EGF: variants seen among roughly 807,000 people sequenced by gnomAD.
EGF encodes the protein epidermal growth factor.
In EGF, 95 loss-of-function variants were observed where a neutral mutation model predicts 143.8. The ratio of observed to expected loss-of-function variants is 0.66; its 90% CI spans 0.56 to 0.78. EGF has a LOEUF of 0.78. Among genes scored for constraint, EGF ranks in the 30% least tolerant of loss-of-function variants. The probability of loss-of-function intolerance (pLI) is 0.00; values close to 1 mark genes in which losing one functional copy is unlikely to be tolerated. For synonymous variants in EGF, 510 were observed against 510.5 expected (o/e 1.00, Z 0.01); for missense variants, 1,320 against 1,470.9 (o/e 0.90, Z 1.68).
intron 1 of EGF, among the ~76,000 whole-genome samples, chr4:109,916,963 A>G (rs1736764944): frequency 6.6e-6 from 1 of 152,194 alleles, no homozygotes; most frequent in South Asian, 2.1e-4. Context: ...TAAAAATACA[A>G]GAACATGTCA....
chr4:109,993,071 G>T (rs1178932741), intron 18 of EGF, among the ~76,000 whole-genome samples, 176 bp from the exon 19 acceptor site: 4 of 152,072 alleles, frequency 2.6e-5, no homozygotes, highest in Non-Finnish European at 5.9e-5. Flanking sequence ...CCTTGTGCAT[G>T]TGAACCCTAG....
intron 1 of EGF, chr4:109,940,672 TAA>T: frequency 5.2e-6 from 2 of 382,826 alleles, no homozygotes; most frequent in East Asian, 9.7e-5. Context: ...ATTTTATGGA[TAA>T]AGAGTAAAAA....
At position 109,959,986 on chromosome 4, in the gene EGF, A is replaced by G. The variant is rs552132491; in HGVS notation, c.1066+549A>G. On this transcript the variant is annotated intron_variant, in intron 6 of 23. Transcript: ENST00000265171. The stretch of plus-strand genomic sequence containing the variant: ...GGAAGGTGCAGTAGTTTAGTGATGA[A>G]AAGAATCCAATGGCTGCAGCACACA... Among the ~76,000 whole-genome samples the G allele has an allele frequency of 6.5e-4, 99 of 152,300 alleles. 1 individual carries two copies. Among genetic ancestry groups the G allele is most frequent in the African/African-American group, 2.2e-3 (91 of 41,542 alleles).
At chr4:109,926,732 A>C (rs950542691) in intron 1 of EGF, among the ~76,000 whole-genome samples, 7 of 152,338 alleles carry the variant, frequency 4.6e-5, no homozygotes, top group African/African-American at 1.7e-4. Flanking sequence ...AATTTTTGTG[A>C]TTACAGATAG....
In EGF at chr4:110,008,200, G is replaced by C. The variant is rs1413609859; in HGVS notation, c.3340G>C (p.Val1114Leu). The change falls in exon 23 of 24, where the codon GTG becomes CTG. Residue 1114 changes from valine (V) to leucine (L), a missense_variant. By Grantham distance (32) the Val-to-Leu change is conservative. Transcript: ENST00000265171. ...AGACCTCAAGAATGGGGGTCAACCA[G>C]TGGCTGGTGAGGATGGCCAGGCAGC... ...HQDLKNGGQP[V>L]AGEDGQAADG... 6.2e-7 allele frequency: 1 copy of C among 1,614,104 alleles called. No homozygotes were observed.
intron 5 of EGF, 124 bp from the exon 6 acceptor site, chr4:109,959,188 C>G: frequency 6.7e-7 from 1 of 1,487,330 alleles, no homozygotes; most frequent in Non-Finnish European, 9.2e-7. Context: ...CTAAGTTTGC[C>G]TCCGTGAGAG....
chr4:109,917,990 T>C (rs1737000215), intron 1 of EGF, among the ~76,000 whole-genome samples: 1 of 152,170 alleles, frequency 6.6e-6, no homozygotes, highest in Non-Finnish European at 1.5e-5. Context: ...TGTAAGCATA[T>C]GCTTCTAATA....
intron 5 of EGF, among the ~76,000 whole-genome samples, chr4:109,951,797 AT>A (rs1264282731): frequency 1.3e-5 from 2 of 152,190 alleles, no homozygotes; most frequent in Non-Finnish European, 2.9e-5. Flanking sequence ...AATACACTCT[AT>A]TATCTATCAT....
In EGF at chr4:109,969,561, C is replaced by T. The variant is rs372186161; in HGVS notation, c.1724+442C>T. 9.9e-5 allele frequency among the ~76,000 whole-genome samples: 15 copies of T among 151,986 alleles called. No homozygotes were observed. In the East Asian group the frequency reaches 2.7e-3, roughly 28 times the overall value. On this transcript the variant is annotated intron_variant, in intron 11 of 23. Transcript: ENST00000265171. ...GGCACATGTATATCTATGTAATAAA[C>T]CTGCACGTTCTGCACATGTATCCCA...
chr4:109,983,320 T>C, intron 15 of EGF, 102 bp from the exon 16 acceptor site: 3 of 1,365,798 alleles, frequency 2.2e-6, no homozygotes, highest in South Asian at 2.5e-5. Context: ...TAAGAATGAG[T>C]CTGAACTCAC....
At chr4:109,976,309 A>C in intron 13 of EGF, 74 bp downstream of exon 13, 5 of 1,255,732 alleles carry the variant, frequency 4.0e-6, no homozygotes, top group Non-Finnish European at 4.6e-6. Flanking sequence ...ATATGTTTAC[A>C]CACACACACA....
chr4:109,922,437 A>T (rs1231917114), intron 1 of EGF, among the ~76,000 whole-genome samples: 1 of 151,756 alleles, frequency 6.6e-6, no homozygotes, highest in Non-Finnish European at 1.5e-5. Context: ...CTTCTGAGAC[A>T]GGAGCTAATA....
intron 21 of EGF, 107 bp downstream of exon 21, chr4:109,999,953 A>C: frequency 6.6e-7 from 1 of 1,519,962 alleles, no homozygotes; most frequent in African/African-American, 1.4e-5. Context: ...TACATACTAC[A>C]TTTAAAACGT....
At chr4:109,935,654 T>G (rs1740640791) in intron 1 of EGF, among the ~76,000 whole-genome samples, 1 of 152,168 alleles carries the variant, frequency 6.6e-6, no homozygotes, top group African/African-American at 2.4e-5. Context: ...GAATGCTTCC[T>G]GTTTTCGCCC....
intron 18 of EGF, chr4:109,992,199 AAGAC>A (rs1446615517): frequency 9.0e-5 from 13 of 143,754 alleles, no homozygotes; most frequent in African/African-American, 2.5e-4. Flanking sequence ...AAAAAAAAAA[AAGAC>A]AGAGAGAGAA....
At chr4:109,929,958 G>C (rs1739393236) in intron 1 of EGF, among the ~76,000 whole-genome samples, 1 of 152,166 alleles carries the variant, frequency 6.6e-6, no homozygotes, top group Admixed American at 6.5e-5. Flanking sequence ...GAAGTGATTG[G>C]ATCATGGGGG....
intron 5 of EGF, among the ~76,000 whole-genome samples, chr4:109,952,493 G>A (rs552204125): frequency 2.6e-5 from 4 of 152,148 alleles, no homozygotes; most frequent in Non-Finnish European, 5.9e-5. Flanking sequence ...GCCAAGGTGG[G>A]AGTCTAATTC....
chr4:109,993,109 T>A lies in EGF; in HGVS notation c.2735-138T>A. The A allele has an allele frequency of 3.5e-6, 3 of 849,454 alleles. No homozygotes were observed. In the South Asian group the frequency reaches 9.5e-5, roughly 27 times the overall value. The allele number at this position is 849,454 out of a possible 1,614,324, so 52.6% of individuals were successfully genotyped here. ...CTTTAAGTATAATAAAAAATATATA[T>A]TAAAAAAATATATAGGTCTCTGAGA... On this transcript the variant is annotated intron_variant, in intron 18 of 23. Coordinates refer to ENST00000265171, the MANE Select transcript of EGF (RefSeq NM_001963.6).
intron 11 of EGF, among the ~76,000 whole-genome samples, chr4:109,971,197 C>T (rs1342928836): frequency 6.6e-6 from 1 of 152,140 alleles, no homozygotes; most frequent in South Asian, 2.1e-4. Flanking sequence ...AAAGCATATT[C>T]TCTTAATAGT....
Sources: allele counts gnomAD v4.1 joint callset (sites outside exome capture counted in the v4.1 genomes callset), GRCh38; gene constraint gnomAD v4.1.1; transcripts MANE v1.5; gene names NCBI Gene and HGNC (gene_info 2026-07-23, HGNC 2026-07-21).